GPRIN3: variants seen among roughly 807,000 people sequenced by gnomAD.
GPRIN3 encodes the protein G protein-regulated inducer of neurite outgrowth 3.
A neutral mutation model predicts 13.7 loss-of-function variants in GPRIN3; 12 were observed. The observed-to-expected ratio is 0.87, with a 90% confidence interval of 0.56 to 1.42. GPRIN3 has a LOEUF of 1.42. GPRIN3 is among the 40% of genes most tolerant of loss of function. GPRIN3 has a pLI of 0.00. For synonymous variants in GPRIN3, 377 were observed against 372.7 expected, an observed-to-expected ratio of 1.01 and a Z score of -0.13; for missense variants, 1,009 against 958.7, an observed-to-expected ratio of 1.05 and a Z score of -0.69.
chr4:89,304,450 A>C (rs1157460827), intron 1 of GPRIN3, among the ~76,000 whole-genome samples: 1 of 152,090 alleles, frequency 6.6e-6, no homozygotes, highest in African/African-American at 2.4e-5. Context: ...TTTCATGAAC[A>C]ATACTTACTC....
chr4:89,290,520 AGG>A (rs1256728931), intron 1 of GPRIN3, among the ~76,000 whole-genome samples: 1 of 152,130 alleles, frequency 6.6e-6, no homozygotes, highest in African/African-American at 2.4e-5. Context: ...ATTAAGTTTC[AGG>A]ACAAATGCCA....
chr4:89,278,529 C>T (rs138818865), intron 1 of GPRIN3, among the ~76,000 whole-genome samples: 247 of 152,274 alleles, frequency 1.6e-3, no homozygotes, highest in African/African-American at 5.6e-3. Context: ...AGGAGGCATC[C>T]ATTATTCCAT....
At chr4:89,267,327 C>G (rs1723807029) in intron 1 of GPRIN3, among the ~76,000 whole-genome samples, 2 of 152,176 alleles carry the variant, frequency 1.3e-5, no homozygotes, top group Admixed American at 1.3e-4. Flanking sequence ...TATCAATGCA[C>G]TCTCTGGATT....
chr4:89,275,187 T>C lies in GPRIN3; in HGVS notation c.-123-24954A>G, dbSNP rs113906440. Among the ~76,000 whole-genome samples, 92 of 151,136 alleles carry C rather than the reference T, an allele frequency of 6.1e-4. 1 individual carries two copies. Among genetic ancestry groups the C allele is most frequent in the African/African-American group, 2.1e-3 (87 of 41,082 alleles). On this transcript the variant is annotated intron_variant, in intron 1 of 1. Coordinates refer to ENST00000609438, the MANE Select transcript of GPRIN3 (RefSeq NM_198281.3). Reference sequence around the variant, plus strand: ...ACGCGCATGTGCACAGTGTATGGTATGTGAGCCCACACATAGGGGATGGGT... The same window carrying C: ...ACGCGCATGTGCACAGTGTATGGTACGTGAGCCCACACATAGGGGATGGGT...
intron 1 of GPRIN3, among the ~76,000 whole-genome samples, chr4:89,271,636 G>A (rs1193462777): frequency 6.6e-6 from 1 of 151,936 alleles, no homozygotes; most frequent in East Asian, 1.9e-4. Context: ...TTGATCCATG[G>A]TTGGAGGAAT....
intron 1 of GPRIN3, among the ~76,000 whole-genome samples, chr4:89,257,153 C>T (rs1326707446): frequency 6.6e-6 from 1 of 152,228 alleles, no homozygotes; most frequent in Non-Finnish European, 1.5e-5. Context: ...GAAAGGAAGA[C>T]TGCTTTGCTT....
intron 1 of GPRIN3, among the ~76,000 whole-genome samples, chr4:89,296,696 C>T (rs1561231187): frequency 6.6e-6 from 1 of 152,172 alleles, no homozygotes; most frequent in East Asian, 1.9e-4. Context: ...TGTGCACACA[C>T]ATGTGACATA....
In GPRIN3 at chr4:89,238,802, G is replaced by A. The variant is rs976693114; in HGVS notation, c.*8978C>T. On this transcript the variant is annotated 3_prime_UTR_variant, in exon 2 of 2. Coordinates refer to ENST00000609438, the MANE Select transcript of GPRIN3 (RefSeq NM_198281.3). Reference sequence around the variant, plus strand: ...TGATTCTGCACATTCATGGTTAAAAGAACGATTTCAATAGCAGTGGAAACA... The same window carrying A: ...TGATTCTGCACATTCATGGTTAAAAAAACGATTTCAATAGCAGTGGAAACA... The A allele has an allele frequency of 2.6e-5, 4 of 152,052 alleles. No homozygotes were observed. Among genetic ancestry groups the A allele is most frequent in the Admixed American group, 1.3e-4 (2 of 15,260 alleles). The allele number at this position is 152,052 out of a possible 1,614,324, so 9.4% of individuals were successfully genotyped here.
At chr4:89,285,756 G>T (rs540747647) in intron 1 of GPRIN3, among the ~76,000 whole-genome samples, 3 of 152,202 alleles carry the variant, frequency 2.0e-5, no homozygotes, top group South Asian at 4.1e-4. Flanking sequence ...TGGGGAAAAG[G>T]CATGCAAAGT....
rs757608860 is a variant in GPRIN3, at chr4:89,247,880, T to C, written c.2231A>G (p.Lys744Arg). Residue 744 changes from lysine (K) to arginine (R), a missense_variant, in exon 2 of 2, where the codon AAG becomes AGG. Coordinates refer to ENST00000609438, the MANE Select transcript of GPRIN3 (RefSeq NM_198281.3). ...AACACTGTGCTGCCTTCCTCTGAGC[T>C]TCTTATTTGAAGAAGTATCTGAGGA... ...SISSDTSSNK[K>R]LRGRQHSVFQ... The C allele has an allele frequency of 3.7e-6, 6 of 1,614,198 alleles. No individual in the cohort carries two copies. The Admixed American group carries it at 1.0e-4, about 27-fold the overall frequency.
chr4:89,245,985 T>C lies in GPRIN3; in HGVS notation c.*1795A>G, dbSNP rs967167348. The C allele has an allele frequency of 6.6e-6, 1 of 152,242 alleles. No individual in the cohort carries two copies. The highest frequency in any genetic ancestry group is 1.5e-5 in the Non-Finnish European group (1 of 68,046). The allele number at this position is 152,242 out of a possible 1,614,324, so 9.4% of individuals were successfully genotyped here. ...TGTAACAACTCTCAGGCTCTGAGAA[T>C]ACTGTTCCATATATGCAAGCTTTGT... On this transcript the variant is annotated 3_prime_UTR_variant, in exon 2 of 2. Transcript: ENST00000609438.
intron 1 of GPRIN3, among the ~76,000 whole-genome samples, chr4:89,298,947 G>A (rs1013973330): frequency 6.6e-6 from 1 of 151,898 alleles, no homozygotes; most frequent in African/African-American, 2.4e-5. Flanking sequence ...AAACCCCAGA[G>A]GGAGGATTTT....
intron 1 of GPRIN3, among the ~76,000 whole-genome samples, chr4:89,274,228 C>T (rs548129162): frequency 1.3e-5 from 2 of 152,282 alleles, no homozygotes; most frequent in East Asian, 3.9e-4. Flanking sequence ...TGCTATTTAA[C>T]TGTGTTGTTG....
intron 1 of GPRIN3, among the ~76,000 whole-genome samples, chr4:89,265,708 T>C (rs963992112): frequency 1.1e-4 from 16 of 152,328 alleles, no homozygotes; most frequent in South Asian, 2.1e-4. Context: ...ACTGGAATTA[T>C]TGGACTTTTC....
chr4:89,271,448 A>G (rs1386774579), intron 1 of GPRIN3, among the ~76,000 whole-genome samples: 1 of 152,120 alleles, frequency 6.6e-6, no homozygotes, highest in Non-Finnish European at 1.5e-5. Flanking sequence ...CTTAAACAAA[A>G]CGTAGTATTT....
chr4:89,271,772 A>G (rs982413373), intron 1 of GPRIN3, among the ~76,000 whole-genome samples: 2 of 152,048 alleles, frequency 1.3e-5, no homozygotes. Context: ...AGAAAGAAAG[A>G]CAAGGGTGCA....
At chr4:89,265,810 C>T (rs1723764074) in intron 1 of GPRIN3, among the ~76,000 whole-genome samples, 1 of 152,056 alleles carries the variant, frequency 6.6e-6, no homozygotes, top group South Asian at 2.1e-4. Context: ...AATTTATTTG[C>T]CAATATTTTC....
At chr4:89,281,012 T>C (rs552120384) in intron 1 of GPRIN3, among the ~76,000 whole-genome samples, 1 of 152,146 alleles carries the variant, frequency 6.6e-6, no homozygotes, top group African/African-American at 2.4e-5. Context: ...ATCCGCTATG[T>C]TTCTGGAGAG....
At chr4:89,291,222 CT>C (rs111882583) in intron 1 of GPRIN3, among the ~76,000 whole-genome samples, 17 of 151,890 alleles carry the variant, frequency 1.1e-4, no homozygotes, top group Non-Finnish European at 2.4e-4. Flanking sequence ...GTTATATTTA[CT>C]TTTTTTTGGT....
Sources: gnomAD v4.1 joint callset for allele counts (sites outside exome capture counted in the v4.1 genomes callset) on GRCh38, gnomAD v4.1.1 for gene constraint, MANE v1.5 for transcripts, NCBI Gene and HGNC (gene_info 2026-07-23, HGNC 2026-07-21) for gene names.